Variants in WNK2 observed in about 807,000 individuals in gnomAD.
WNK2 encodes the protein serine/threonine-protein kinase WNK2.
A neutral mutation model predicts 192.1 loss-of-function variants in WNK2; 67 were observed. That is an observed-to-expected ratio of 0.35 (90% CI 0.29 to 0.43). WNK2 has a LOEUF of 0.43. Ranked by LOEUF, WNK2 falls within the 20% of genes least tolerant of loss-of-function variation. The probability of loss-of-function intolerance (pLI) is 1.00; values close to 1 mark genes in which losing one functional copy is unlikely to be tolerated. For synonymous variants in WNK2, 1,439 were observed against 1,393.9 expected (o/e 1.03, Z -0.72); for missense variants, 2,698 against 3,089.7 (o/e 0.87, Z 3.01).
Position 93,259,258 on chromosome 9 carries a change from G to A in WNK2, c.2710G>A (p.Ala904Thr). The A allele has an allele frequency of 1.9e-6, 3 of 1,613,452 alleles. No individual in the cohort carries two copies. Among genetic ancestry groups the A allele is most frequent in the Non-Finnish European group, 2.5e-6 (3 of 1,179,794 alleles). The change falls in exon 12 of 30, where the codon GCC (alanine) becomes ACC (threonine). Residue 904 changes from alanine (A) to threonine (T), a missense_variant. Physicochemically the swap from Ala to Thr is moderately conservative, Grantham distance 58. Around this residue, in one of 7 missense-constraint regions of WNK2, gnomAD observed 893 missense variants for 909.0 expected, o/e 0.98. Coordinates refer to ENST00000427277, the MANE Select transcript of WNK2 (RefSeq NM_006648.4). The surrounding 1 kb of genome is among the most constrained non-coding windows in gnomAD (Gnocchi z 4.8). ...VAALSIHSAVAQLPGQPVYPA... is the reference protein window; with the variant it reads ...VAALSIHSAVTQLPGQPVYPA... ...TGCCCTGTCCATTCATTCTGCCGTG[G>A]CCCAGCTCCCAGGCCAACCTGTGTA...
chr9:93,223,636 CA>C (rs1318086132), intron 2 of WNK2, among the ~76,000 whole-genome samples: 1 of 152,214 alleles, frequency 6.6e-6, no homozygotes, highest in Non-Finnish European at 1.5e-5. Flanking sequence ...GTGCACTTGC[CA>C]AACCCTGTCC....
chr9:93,247,943 G>C lies in WNK2; in HGVS notation c.1834+109G>C. 1 of 1,273,992 alleles carries C rather than the reference G, an allele frequency of 7.8e-7. No homozygotes were observed. Among genetic ancestry groups the C allele is most frequent in the Non-Finnish European group, 1.1e-6 (1 of 937,448 alleles). 78.9% of individuals were successfully genotyped at this position (1,273,992 alleles called of 1,614,324 possible). ...TCCTCTCCCTTTATTGGAATGCTTT[G>C]TGAGGAAGGGGGTCCGCATGGCATC... On this transcript the variant is annotated intron_variant, in intron 8 of 29. Coordinates refer to ENST00000427277, the MANE Select transcript of WNK2 (RefSeq NM_006648.4). This position sits in a 1 kb window ranked among gnomAD's most constrained non-coding sequence, Gnocchi z 5.2.
intron 23 of WNK2, among the ~76,000 whole-genome samples, chr9:93,293,906 T>C (rs747221071): frequency 6.6e-6 from 1 of 152,032 alleles, no homozygotes. Flanking sequence ...ACACTCTCTC[T>C]TCCTATCTGT....
At chr9:93,302,142 A>G (rs895205567) in intron 26 of WNK2, among the ~76,000 whole-genome samples, 7 of 152,170 alleles carry the variant, frequency 4.6e-5, no homozygotes, top group African/African-American at 1.4e-4. Context: ...GGGCAGCCCA[A>G]AAGAGAAGGG....
Position 93,292,374 on chromosome 9 carries a change from A to G in WNK2, c.5003A>G (p.His1668Arg), listed in dbSNP as rs760576973. Residue 1668 changes from histidine to arginine, a missense_variant, in exon 22 of 30, where the codon CAT becomes CGT. His to Arg is a conservative substitution (Grantham distance 29). Transcript: ENST00000427277. The stretch of plus-strand genomic sequence containing the variant: ...GGAAGGCAGGTGGCCTCAGACTCCC[A>G]TGTGGTCCCCAGCGTCCCCCAGGTA... ...RDGRQVASDS[H>R]VVPSVPQDVP... 6.2e-7 allele frequency: 1 copy of G among 1,613,894 alleles called. No individual in the cohort carries two copies. The highest frequency in any genetic ancestry group is 8.5e-7 in the Non-Finnish European group (1 of 1,179,874).
chr9:93,248,146 AG>A (rs1187613368), intron 8 of WNK2, among the ~76,000 whole-genome samples: 1 of 152,258 alleles, frequency 6.6e-6, no homozygotes, highest in African/African-American at 2.4e-5. Flanking sequence ...AGCAACTTCC[AG>A]GGTGGTGGGG....
At chr9:93,262,243 C>G in intron 13 of WNK2, 136 bp downstream of exon 13, 2 of 1,077,312 alleles carry the variant, frequency 1.9e-6, no homozygotes. Flanking sequence ...TCTGTTCTCA[C>G]CTCTCCCTAG....
intron 2 of WNK2, among the ~76,000 whole-genome samples, chr9:93,211,191 C>A (rs1018347791): frequency 6.2e-5 from 1 of 16,070 alleles, no homozygotes; most frequent in East Asian, 1.5e-3. Flanking sequence ...CTCATTCACA[C>A]ACTCACACAT....
intron 18 of WNK2, 92 bp from the exon 19 acceptor site, chr9:93,268,535 C>A (rs1056961199): frequency 6.5e-6 from 10 of 1,538,784 alleles, no homozygotes; most frequent in Non-Finnish European, 7.9e-6. Flanking sequence ...TTCACAGACC[C>A]ACTGTGGCAA....
rs778276559 is a variant in WNK2 at position 93,247,986 on chromosome 9, G to A, written c.1834+152G>A. Reference sequence around the variant, plus strand: ...ATGGCATCCCCTCGGAGGAGACATCGTGTAGCTCTGAGCTGTCCTCACGTA... The same window carrying A: ...ATGGCATCCCCTCGGAGGAGACATCATGTAGCTCTGAGCTGTCCTCACGTA... On this transcript the variant is annotated intron_variant, in intron 8 of 29. Coordinates refer to ENST00000427277, the MANE Select transcript of WNK2 (RefSeq NM_006648.4). This position sits in a 1 kb window ranked among gnomAD's most constrained non-coding sequence, Gnocchi z 5.2. Among the ~76,000 whole-genome samples the A allele has an allele frequency of 7.2e-5, 11 of 152,372 alleles. No individual in the cohort carries two copies. In the South Asian group the frequency reaches 2.3e-3, roughly 32 times the overall value.
chr9:93,190,271 C>T (rs898579144), intron 2 of WNK2, among the ~76,000 whole-genome samples: 4 of 152,142 alleles, frequency 2.6e-5, no homozygotes, highest in East Asian at 3.9e-4. Context: ...GTGGTGGTGG[C>T]GAGGTGTGTG....
chr9:93,318,436 G>C (rs1855106784), intron 29 of WNK2: 1 of 1,614,002 alleles, frequency 6.2e-7, no homozygotes, highest in Admixed American at 1.7e-5. Context: ...GCTGGGGCAG[G>C]GCACACTGGC....
At chr9:93,213,861 G>A (rs895022369) in intron 2 of WNK2, among the ~76,000 whole-genome samples, 3 of 152,180 alleles carry the variant, frequency 2.0e-5, no homozygotes, top group African/African-American at 7.2e-5. Context: ...AAAGTTTGAA[G>A]TTTAATATAA....
rs1843370398 is a variant in WNK2 at position 93,256,783 on chromosome 9, T to G, written c.2191-165T>G. 8.5e-6 allele frequency: 6 copies of G among 708,694 alleles called. No individual in the cohort carries two copies. In the South Asian group the frequency reaches 9.7e-5, roughly 11 times the overall value. 43.9% of individuals were successfully genotyped at this position (708,694 alleles called of 1,614,324 possible). On this transcript the variant is annotated intron_variant, in intron 10 of 29. Transcript: ENST00000427277. ...GTTTGGTGATCTGTGTGTCTGAATG[T>G]GTATACGTGTGACTGTGCAAGTGTG...
In WNK2 at chr9:93,289,205, C is replaced by T. The variant is rs761209810; in HGVS notation, c.4451C>T (p.Pro1484Leu). Residue 1484 changes from proline to leucine, a missense_variant, in exon 20 of 30, where the codon CCC (proline) becomes CTC (leucine). Physicochemically the swap from Pro to Leu is moderately conservative, Grantham distance 98 (BLOSUM62 -3). Transcript: ENST00000427277. ...CCACCTCCTGCACCTGAGCCCAGCC[C>T]CCACAGCGGGACCCCACAGCCCGCC... ...PLPPPAPEPS[P>L]HSGTPQPALG... The T allele has an allele frequency of 6.2e-7, 1 of 1,603,590 alleles. No homozygotes were observed. Among genetic ancestry groups the T allele is most frequent in the Non-Finnish European group, 8.5e-7 (1 of 1,177,750 alleles).
chr9:93,264,361 C>T (rs755806346), intron 16 of WNK2, among the ~76,000 whole-genome samples: 4 of 152,258 alleles, frequency 2.6e-5, no homozygotes, highest in East Asian at 3.9e-4. Flanking sequence ...GAGGGCATCC[C>T]GGAGTCTGAT....
intron 27 of WNK2, 114 bp downstream of exon 27, chr9:93,306,935 C>A: frequency 7.6e-7 from 1 of 1,321,154 alleles, no homozygotes; most frequent in Non-Finnish European, 1.1e-6. Context: ...CTGTGCCTGC[C>A]CCGCGCCTGC....
chr9:93,250,845 C>T (rs935248840), intron 8 of WNK2, among the ~76,000 whole-genome samples: 6 of 132,662 alleles, frequency 4.5e-5, no homozygotes, highest in South Asian at 2.4e-4. Flanking sequence ...AGTGTGGTGG[C>T]GCAATCTCGG....
chr9:93,265,171 T>C (rs1243046198), intron 16 of WNK2, among the ~76,000 whole-genome samples: 1 of 152,208 alleles, frequency 6.6e-6, no homozygotes, highest in Non-Finnish European at 1.5e-5. Flanking sequence ...AAGACTTTAT[T>C]CAGGACTGTG....
Sources: allele counts gnomAD v4.1 joint callset (sites outside exome capture counted in the v4.1 genomes callset), GRCh38; gene constraint gnomAD v4.1.1; regional missense constraint gnomAD v4.1.1; non-coding constraint Gnocchi (gnomAD v3.1); transcripts MANE v1.5; gene names NCBI Gene and HGNC (gene_info 2026-07-23, HGNC 2026-07-21).